The following DNMT1 variants were observed in gnomAD, a reference collection of about 807,000 sequenced individuals.
DNMT1 encodes the protein DNA (cytosine-5)-methyltransferase 1.
A neutral mutation model predicts 205.3 loss-of-function variants in DNMT1; 24 were observed. That is an observed-to-expected ratio of 0.12 (90% CI 0.08 to 0.16). The LOEUF is 0.16. Ranked by LOEUF, DNMT1 falls within the 10% of genes least tolerant of loss-of-function variation. The pLI is 1.00. For synonymous variants in DNMT1, 817 were observed against 839.8 expected (o/e 0.97, Z 0.47); for missense variants, 1,293 against 2,177.7 (o/e 0.59, Z 8.09).
chr19:10,166,538 C>T, intron 11 of DNMT1, 60 bp downstream of exon 11: 1 of 1,608,378 alleles, frequency 6.2e-7, no homozygotes, highest in South Asian at 1.1e-5. Flanking sequence ...CGCACTCCCG[C>T]CCAAGCAAAC....
intron 10 of DNMT1, among the ~76,000 whole-genome samples, chr19:10,167,369 G>T (rs1040355933): frequency 6.6e-6 from 1 of 151,866 alleles, no homozygotes; most frequent in Non-Finnish European, 1.5e-5. Flanking sequence ...CTAATTTTTT[G>T]TATTTTTATT....
chr19:10,180,143 A>C (rs1306776421), intron 5 of DNMT1, 44 bp downstream of exon 5: 1 of 639,182 alleles, frequency 1.6e-6, no homozygotes, highest in Non-Finnish European at 2.8e-6. Flanking sequence ...GTAAGACCCC[A>C]TCTCTACTAA....
intron 28 of DNMT1, chr19:10,144,492 G>T (rs111367146): frequency 4.9e-6 from 1 of 204,678 alleles, no homozygotes; most frequent in African/African-American, 2.3e-5. Context: ...TACTGGCTAC[G>T]GTGGTGGCTG....
In DNMT1 at chr19:10,156,032, C is replaced by A; in HGVS notation, c.1400-87G>T. 7.1e-7 allele frequency: 1 copy of A among 1,399,692 alleles called. No individual in the cohort carries two copies. The highest frequency in any genetic ancestry group is 9.9e-7 in the Non-Finnish European group (1 of 1,010,340). The allele number at this position is 1,399,692 out of a possible 1,614,324, so 86.7% of individuals were successfully genotyped here. On this transcript the variant is annotated intron_variant, in intron 18 of 40. Transcript: ENST00000359526. This position sits in a 1 kb window ranked among gnomAD's most constrained non-coding sequence, Gnocchi z 4.2. ...TCTAAGCGCCCACTCAGCAGACATC[C>A]CATCAGCCAGGTCGGGTGCTCCTCA...
Position 10,133,462 on chromosome 19 carries a change from A to G in DNMT1, c.*205T>C. On this transcript the variant is annotated 3_prime_UTR_variant, in exon 41 of 41. Coordinates refer to ENST00000359526, the MANE Select transcript of DNMT1 (RefSeq NM_001130823.3). This position sits in a 1 kb window ranked among gnomAD's most constrained non-coding sequence, Gnocchi z 4.1. ...TATAATGCATAATAAAAAACTTTTAAAATCCAGAATGCACAAAGTACTGCA... is the reference window on the plus strand; with the variant it reads ...TATAATGCATAATAAAAAACTTTTAGAATCCAGAATGCACAAAGTACTGCA... The G allele has an allele frequency of 1.6e-6, 1 of 617,174 alleles. No individual in the cohort carries two copies. The highest frequency in any genetic ancestry group is 2.8e-6 in the Non-Finnish European group (1 of 351,180). The allele number at this position is 617,174 out of a possible 1,614,324, so 38.2% of individuals were successfully genotyped here. A position where few individuals can be genotyped will look rare whatever the true frequency, so the allele number is the denominator to read the frequency against.
intron 11 of DNMT1, among the ~76,000 whole-genome samples, chr19:10,165,583 G>A (rs2038673599): frequency 6.6e-6 from 1 of 151,860 alleles, no homozygotes; most frequent in African/African-American, 2.4e-5. Flanking sequence ...AGGTGACACC[G>A]GATTTCACCA....
rs1382420769 is a variant in DNMT1 at position 10,194,937 on chromosome 19, G to C, written c.-38C>G. On this transcript the variant is annotated 5_prime_UTR_variant, in exon 1 of 41. Coordinates refer to ENST00000359526, the MANE Select transcript of DNMT1 (RefSeq NM_001130823.3). The stretch of plus-strand genomic sequence containing the variant: ...AGCAGACGCGGCGGCGGCAGCGCAG[G>C]CGCCCCGGCTTTTCGCGCGGAAACC... 1 of 1,582,750 alleles carries C rather than the reference G, an allele frequency of 6.3e-7. No homozygotes were observed. The highest frequency in any genetic ancestry group is 1.8e-5 in the Admixed American group (1 of 55,470).
chr19:10,147,365 C>T (rs532079690), intron 27 of DNMT1, among the ~76,000 whole-genome samples: 12 of 152,128 alleles, frequency 7.9e-5, no homozygotes, highest in Non-Finnish European at 1.5e-4. Context: ...AATCCCAGCA[C>T]TTTAGGAGCC....
intron 19 of DNMT1, 34 bp from the exon 20 acceptor site, chr19:10,155,090 T>C: frequency 6.2e-7 from 1 of 1,613,056 alleles, no homozygotes; most frequent in Admixed American, 1.7e-5. Context: ...GAAAAGGGGC[T>C]GGAATCTGAT....
chr19:10,184,582 G>A (rs1211649278), intron 1 of DNMT1: 4 of 152,330 alleles, frequency 2.6e-5, no homozygotes, highest in Non-Finnish European at 4.4e-5. Context: ...GGAGGCTGTG[G>A]TGGGAGGATG....
chr19:10,146,389 A>C lies in DNMT1; in HGVS notation c.2856T>G (p.Gly952=). The C allele has an allele frequency of 6.2e-7, 1 of 1,613,666 alleles. No individual in the cohort carries two copies. Among genetic ancestry groups the C allele is most frequent in the Non-Finnish European group, 8.5e-7 (1 of 1,179,922 alleles). Residue 952 remains glycine (G), a synonymous_variant, in exon 28 of 41, where the codon GGT becomes GGG. Transcript: ENST00000359526. The surrounding 1 kb of genome is among the most constrained non-coding windows in gnomAD (Gnocchi z 4.4). ...ATKNGILYRV[G]DGVYLPPEAF... ...CCTCAGGGGGCAGGTACACACCATC[A>C]CCAACTCGGTACAGGATGCCGTTCT...
At position 10,139,955 on chromosome 19, in the gene DNMT1, G is replaced by A. The variant is rs1463912598; in HGVS notation, c.3806+91C>T. On this transcript the variant is annotated intron_variant, in intron 33 of 40. Coordinates refer to ENST00000359526, the MANE Select transcript of DNMT1 (RefSeq NM_001130823.3). ...CTGAGCTGTGAGCTTCCGGGGGGCA[G>A]AGGCCTCAGTGCAGGGCGAAAATGA... The A allele has an allele frequency of 4.4e-6, 7 of 1,596,930 alleles. No homozygotes were observed. In the East Asian group the frequency reaches 1.3e-4, roughly 31 times the overall value.
chr19:10,148,740 T>C (rs1418774886), intron 27 of DNMT1, 144 bp downstream of exon 27: 4 of 1,416,100 alleles, frequency 2.8e-6, no homozygotes, highest in Non-Finnish European at 3.9e-6. Flanking sequence ...TTGAGCATCA[T>C]TCATAGTCAG....
chr19:10,142,711 A>AC (rs917860572), intron 29 of DNMT1: 9 of 155,158 alleles, frequency 5.8e-5, no homozygotes, highest in South Asian at 3.3e-4. Flanking sequence ...TAGGGTAAAG[A>AC]CCCCCCTACT....
In DNMT1 at chr19:10,146,602, C is replaced by A; in HGVS notation, c.2721-78G>T. 1 of 1,577,830 alleles carries A rather than the reference C, an allele frequency of 6.3e-7. No homozygotes were observed. The highest frequency in any genetic ancestry group is 8.7e-7 in the Non-Finnish European group (1 of 1,154,772). On this transcript the variant is annotated intron_variant, in intron 27 of 40. Transcript: ENST00000359526. The surrounding 1 kb of genome is among the most constrained non-coding windows in gnomAD (Gnocchi z 4.4). ...CCGCAGCAGCTACTGCCAGCTTAAT[C>A]CAGAGACTCTGGTAACCAAGAGGAA...
intron 1 of DNMT1, among the ~76,000 whole-genome samples, chr19:10,192,984 T>A (rs867321970): frequency 1.3e-5 from 2 of 151,592 alleles, no homozygotes; most frequent in South Asian, 2.1e-4. Flanking sequence ...AAAGTGGAGG[T>A]TGCAGTGAGC....
At chr19:10,186,076 C>T (rs560346934) in intron 1 of DNMT1, among the ~76,000 whole-genome samples, 30 of 152,218 alleles carry the variant, frequency 2.0e-4, no homozygotes, top group African/African-American at 5.8e-4. Context: ...ATGGCTTCTA[C>T]CTCGACCAAG....
chr19:10,146,642 T>A lies in DNMT1; in HGVS notation c.2721-118A>T. The A allele has an allele frequency of 7.5e-7, 1 of 1,326,432 alleles. No homozygotes were observed. The highest frequency in any genetic ancestry group is 2.2e-4 in the Middle Eastern group (1 of 4,478). The allele number at this position is 1,326,432 out of a possible 1,614,324, so 82.2% of individuals were successfully genotyped here. ...ACCAAGAGGAAAAAACATTTGCAGA[T>A]GCTAGAAGGAAGAGGTGGCTTTCTT... is the stretch of plus-strand genomic sequence containing the variant. On this transcript the variant is annotated intron_variant, in intron 27 of 40. Coordinates refer to ENST00000359526, the MANE Select transcript of DNMT1 (RefSeq NM_001130823.3). This position sits in a 1 kb window ranked among gnomAD's most constrained non-coding sequence, Gnocchi z 4.4.
At chr19:10,161,255 A>G (rs991810870) in intron 13 of DNMT1, among the ~76,000 whole-genome samples, 5 of 152,182 alleles carry the variant, frequency 3.3e-5, no homozygotes, top group African/African-American at 4.8e-5. Context: ...CAGTGAGCCG[A>G]TGTCGCACCA....
Sources: allele counts gnomAD v4.1 joint callset (sites outside exome capture counted in the v4.1 genomes callset), GRCh38; gene constraint gnomAD v4.1.1; non-coding constraint Gnocchi (gnomAD v3.1); transcripts MANE v1.5; gene names NCBI Gene and HGNC (gene_info 2026-07-23, HGNC 2026-07-21).